The following PDGFC variants were observed in gnomAD, a reference collection of about 807,000 sequenced individuals.
PDGFC encodes platelet-derived growth factor C.
In PDGFC, 12 loss-of-function variants were observed where a neutral mutation model predicts 35.5. The ratio of observed to expected loss-of-function variants is 0.34; its 90% CI spans 0.22 to 0.55. The LOEUF is 0.55. Among genes scored for constraint, PDGFC ranks in the 20% least tolerant of loss-of-function variants. PDGFC has a pLI of 0.91. For synonymous variants in PDGFC, 159 were observed against 148.8 expected, an observed-to-expected ratio of 1.07 and a Z score of -0.50; for missense variants, 322 against 412.4, an observed-to-expected ratio of 0.78 and a Z score of 1.90.
intron 1 of PDGFC, among the ~76,000 whole-genome samples, chr4:156,905,293 A>T (rs1006268551): frequency 6.6e-6 from 1 of 152,138 alleles, no homozygotes; most frequent in East Asian, 1.9e-4. Context: ...AATGTCCCTT[A>T]TATGACAGAC....
At chr4:156,839,249 C>G (rs1049396718) in intron 2 of PDGFC, among the ~76,000 whole-genome samples, 1 of 152,200 alleles carries the variant, frequency 6.6e-6, no homozygotes, top group Non-Finnish European at 1.5e-5. Flanking sequence ...CAAGCCCTGC[C>G]TCAGCTTCTC....
At chr4:156,879,809 A>C (rs1730199824) in intron 1 of PDGFC, among the ~76,000 whole-genome samples, 1 of 152,224 alleles carries the variant, frequency 6.6e-6, no homozygotes, top group Non-Finnish European at 1.5e-5. Context: ...TTCTGATCAT[A>C]TATTAATTAC....
chr4:156,947,290 G>A (rs1477470400), intron 1 of PDGFC, among the ~76,000 whole-genome samples: 2 of 151,964 alleles, frequency 1.3e-5, no homozygotes, highest in East Asian at 3.9e-4. Context: ...TTACACAGAG[G>A]GTTACTTTGG....
chr4:156,917,636 T>C (rs961469266), intron 1 of PDGFC, among the ~76,000 whole-genome samples: 1 of 152,238 alleles, frequency 6.6e-6, no homozygotes, highest in Non-Finnish European at 1.5e-5. Context: ...ATTATAGATT[T>C]CCACTGTGCC....
chr4:156,922,309 C>A (rs2110845728), intron 1 of PDGFC, among the ~76,000 whole-genome samples: 1 of 152,216 alleles, frequency 6.6e-6, no homozygotes, highest in African/African-American at 2.4e-5. Flanking sequence ...TGTTTTATAA[C>A]CTCCTCCACC....
At chr4:156,944,072 A>T (rs1415489859) in intron 1 of PDGFC, among the ~76,000 whole-genome samples, 1 of 152,156 alleles carries the variant, frequency 6.6e-6, no homozygotes, top group Non-Finnish European at 1.5e-5. Context: ...TAGTTCTAAC[A>T]AATTAAAGTG....
At chr4:156,921,965 C>T (rs1731293877) in intron 1 of PDGFC, among the ~76,000 whole-genome samples, 1 of 152,070 alleles carries the variant, frequency 6.6e-6, no homozygotes, top group South Asian at 2.1e-4. Context: ...CAATAAACTG[C>T]TTAATTGTGC....
chr4:156,956,012 C>T (rs937008802), intron 1 of PDGFC, among the ~76,000 whole-genome samples: 4 of 151,958 alleles, frequency 2.6e-5, no homozygotes, highest in Admixed American at 2.6e-4. Flanking sequence ...TCCCTGAGTC[C>T]TTGGGCATTC....
chr4:156,866,014 G>T (rs1729832508), intron 1 of PDGFC, among the ~76,000 whole-genome samples: 1 of 152,042 alleles, frequency 6.6e-6, no homozygotes, highest in Non-Finnish European at 1.5e-5. Context: ...GTGCAGGTTT[G>T]TTACATATGT....
intron 2 of PDGFC, among the ~76,000 whole-genome samples, chr4:156,846,584 C>A (rs1420541065): frequency 1.3e-5 from 2 of 151,432 alleles, no homozygotes; most frequent in Non-Finnish European, 3.0e-5. Context: ...TTTATTAGAT[C>A]AAAAAGATGA....
chr4:156,881,349 G>A (rs1730236731), intron 1 of PDGFC, among the ~76,000 whole-genome samples: 1 of 152,086 alleles, frequency 6.6e-6, no homozygotes, highest in South Asian at 2.1e-4. Flanking sequence ...TAGCCTATAG[G>A]GTGGTACAAA....
At chr4:156,857,078 GTTTT>G (rs199579839) in intron 1 of PDGFC, among the ~76,000 whole-genome samples, 1 of 143,022 alleles carries the variant, frequency 7.0e-6, no homozygotes, top group Non-Finnish European at 1.5e-5. Flanking sequence ...ATATCTGAGG[GTTTT>G]TTTTTTTTGA....
At chr4:156,838,784 A>G (rs905727381) in intron 2 of PDGFC, among the ~76,000 whole-genome samples, 2 of 152,118 alleles carry the variant, frequency 1.3e-5, no homozygotes, top group East Asian at 3.9e-4. Context: ...AGTTCCCATA[A>G]TCTCCATATG....
chr4:156,936,743 G>A (rs1032408458), intron 1 of PDGFC, among the ~76,000 whole-genome samples: 1 of 152,184 alleles, frequency 6.6e-6, no homozygotes, highest in South Asian at 2.1e-4. Context: ...TGGAGTAGAC[G>A]AATGGAAGAA....
chr4:156,823,172 A>T (rs1312494493), intron 2 of PDGFC, among the ~76,000 whole-genome samples: 1 of 152,134 alleles, frequency 6.6e-6, no homozygotes, highest in Non-Finnish European at 1.5e-5. Context: ...TGGGAGACGG[A>T]GCTGAGCACA....
intron 1 of PDGFC, among the ~76,000 whole-genome samples, chr4:156,862,040 T>C (rs1287660486): frequency 6.6e-6 from 1 of 152,166 alleles, no homozygotes; most frequent in Non-Finnish European, 1.5e-5. Flanking sequence ...GCAGAATAAG[T>C]TTCTTCTTGC....
intron 1 of PDGFC, among the ~76,000 whole-genome samples, chr4:156,867,427 CT>C (rs753087418): frequency 3.9e-4 from 60 of 152,160 alleles, no homozygotes; most frequent in Non-Finnish European, 7.5e-4. Flanking sequence ...CATGCAATGT[CT>C]TCACATTCAC....
chr4:156,782,273 C>T (rs911177821), intron 3 of PDGFC, among the ~76,000 whole-genome samples: 7 of 152,128 alleles, frequency 4.6e-5, no homozygotes, highest in Non-Finnish European at 8.8e-5. Context: ...TATCCTATGT[C>T]GGTTTTCTGA....
chr4:156,768,143 T>G (rs534929639), intron 4 of PDGFC, among the ~76,000 whole-genome samples, 153 bp from the exon 5 acceptor site: 37 of 152,214 alleles, frequency 2.4e-4, no homozygotes, highest in African/African-American at 8.4e-4. Flanking sequence ...ATTTTAGAGA[T>G]ATACAACTAC....
Sources: allele counts gnomAD v4.1 joint callset (sites outside exome capture counted in the v4.1 genomes callset), GRCh38; gene constraint gnomAD v4.1.1; transcripts MANE v1.5; gene names NCBI Gene and HGNC (gene_info 2026-07-23, HGNC 2026-07-21).